The following ENTREP2 variants were observed in gnomAD, a reference collection of about 807,000 sequenced individuals.
The protein encoded by ENTREP2 is protein ENTREP2.
At chr15:29,423,805 A>T in the ENTREP2 span, among the ~76,000 whole-genome samples, 82 of 152,178 alleles carry the variant, frequency 5.4e-4, no homozygotes, top group Admixed American at 9.8e-4. Flanking sequence ...CAAAAAAAAA[A>T]TTTGATTTTT....
chr15:29,343,727 G>A, the ENTREP2 span, among the ~76,000 whole-genome samples: 5 of 152,140 alleles, frequency 3.3e-5, no homozygotes, highest in Non-Finnish European at 7.4e-5. Flanking sequence ...TGAGGGAGGG[G>A]TGGTAATGGG....
the ENTREP2 span, among the ~76,000 whole-genome samples, chr15:29,159,023 C>A: frequency 6.6e-6 from 1 of 152,014 alleles, no homozygotes; most frequent in Non-Finnish European, 1.5e-5. Flanking sequence ...AAACATTAAA[C>A]AGTTCAGGAC....
the ENTREP2 span, among the ~76,000 whole-genome samples, chr15:29,502,996 T>C: frequency 6.6e-6 from 1 of 152,028 alleles, no homozygotes; most frequent in Admixed American, 6.5e-5. Flanking sequence ...CTGGAACTCA[T>C]ACGTTGCTGA....
chr15:29,652,887 G>A, the ENTREP2 span, among the ~76,000 whole-genome samples: 1 of 152,222 alleles, frequency 6.6e-6, no homozygotes, highest in African/African-American at 2.4e-5. Flanking sequence ...CTGCCAGGCT[G>A]AGTGGGAGGA....
At chr15:29,508,957 A>G in the ENTREP2 span, among the ~76,000 whole-genome samples, 1 of 152,226 alleles carries the variant, frequency 6.6e-6, no homozygotes, top group Non-Finnish European at 1.5e-5. Flanking sequence ...GAGGAAGTCA[A>G]ATTATCTCTC....
At chr15:29,598,853 C>T in the ENTREP2 span, among the ~76,000 whole-genome samples, 403 of 152,256 alleles carry the variant, frequency 2.6e-3, no homozygotes, top group African/African-American at 8.3e-3. Flanking sequence ...CCCGCCACCG[C>T]GCCCAGCTAA....
chr15:29,228,904 A>T, the ENTREP2 span, among the ~76,000 whole-genome samples: 7 of 152,180 alleles, frequency 4.6e-5, 1 homozygote, highest in Admixed American at 4.6e-4. Context: ...TTGCCAAATA[A>T]CTATATCCTT....
chr15:29,402,557 G>A, the ENTREP2 span, among the ~76,000 whole-genome samples: 3 of 152,226 alleles, frequency 2.0e-5, no homozygotes, highest in South Asian at 2.1e-4. Context: ...TGATCCCCTC[G>A]CTGTGGCCTC....
the ENTREP2 span, among the ~76,000 whole-genome samples, chr15:29,200,464 C>G: frequency 1.3e-5 from 2 of 152,138 alleles, no homozygotes; most frequent in Non-Finnish European, 2.9e-5. Context: ...GCGTGAGCCA[C>G]CACACCTCGT....
chr15:29,207,099 A>C, the ENTREP2 span, among the ~76,000 whole-genome samples: 1 of 152,070 alleles, frequency 6.6e-6, no homozygotes, highest in Non-Finnish European at 1.5e-5. Context: ...CAGCCCCTCC[A>C]GCTCTTCCTT....
At chr15:29,669,098 T>A in the ENTREP2 span, among the ~76,000 whole-genome samples, 1 of 152,110 alleles carries the variant, frequency 6.6e-6, no homozygotes, top group East Asian at 1.9e-4. Flanking sequence ...CTCAGCTACT[T>A]GGGAGGCTGA....
the ENTREP2 span, among the ~76,000 whole-genome samples, chr15:29,189,253 C>A: frequency 6.6e-6 from 1 of 152,072 alleles, no homozygotes; most frequent in Non-Finnish European, 1.5e-5. Context: ...TGGGATCCAA[C>A]GCTGTCTCCA....
the ENTREP2 span, among the ~76,000 whole-genome samples, chr15:29,571,709 T>G: frequency 6.6e-6 from 1 of 152,204 alleles, no homozygotes; most frequent in Admixed American, 6.5e-5. Context: ...CTCCACTCCC[T>G]CTTGCCAACA....
At chr15:29,561,160 A>G in the ENTREP2 span, among the ~76,000 whole-genome samples, 1 of 150,424 alleles carries the variant, frequency 6.6e-6, no homozygotes, top group African/African-American at 2.5e-5. Flanking sequence ...AAGGTAAGTT[A>G]GTACAGCCAT....
At chr15:29,222,240 A>G in the ENTREP2 span, among the ~76,000 whole-genome samples, 1 of 152,192 alleles carries the variant, frequency 6.6e-6, no homozygotes, top group South Asian at 2.1e-4. Context: ...TCACTGCTAC[A>G]CTCCCATCAG....
the ENTREP2 span, among the ~76,000 whole-genome samples, chr15:29,655,350 C>T: frequency 6.6e-5 from 10 of 152,282 alleles, no homozygotes; most frequent in African/African-American, 1.9e-4. Flanking sequence ...AACAACAGAA[C>T]CCAAGCCCAA....
the ENTREP2 span, among the ~76,000 whole-genome samples, chr15:29,380,717 G>T: frequency 6.6e-6 from 1 of 152,090 alleles, no homozygotes; most frequent in Non-Finnish European, 1.5e-5. Flanking sequence ...GAATTTTAGG[G>T]TTCCCCCAAA....
chr15:29,623,733 T>C, the ENTREP2 span, among the ~76,000 whole-genome samples: 1 of 152,084 alleles, frequency 6.6e-6, no homozygotes, highest in Non-Finnish European at 1.5e-5. Flanking sequence ...AAAAAGTCAC[T>C]ACTGGGTTGG....
chr15:29,231,885 C>CTTTCTTTTTTT, the ENTREP2 span, among the ~76,000 whole-genome samples: 2 of 129,982 alleles, frequency 1.5e-5, no homozygotes, highest in African/African-American at 6.0e-5. Context: ...GTTTTCTTTT[C>CTTTCTTTTTTT]TTTTCTTTCT....
Sources: allele counts gnomAD v4.1 joint callset (sites outside exome capture counted in the v4.1 genomes callset), GRCh38; gene constraint gnomAD v4.1.1; transcripts MANE v1.5; gene names NCBI Gene and HGNC (gene_info 2026-07-23, HGNC 2026-07-21).